ZNF658: variants seen among roughly 807,000 people sequenced by gnomAD.
The protein encoded by ZNF658 is zinc finger protein 658.
A neutral mutation model predicts 78.0 loss-of-function variants in ZNF658; 46 were observed. That is an observed-to-expected ratio of 0.59 (90% CI 0.47 to 0.75). ZNF658 has a LOEUF of 0.75. ZNF658 is among the 30% of genes least tolerant of loss of function. ZNF658 has a pLI of 0.00. For synonymous variants in ZNF658, 279 were observed against 408.4 expected (o/e 0.68, Z 3.82); for missense variants, 785 against 1,189.3 (o/e 0.66, Z 5.00).
downstream of ZNF658, chr9:66,924,362 C>T: frequency 5.7e-6 from 2 of 351,978 alleles, no homozygotes; most frequent in South Asian, 2.2e-5. Flanking sequence ...GCATGTCTGA[C>T]CTCTACTACC....
intron 1 of ZNF658, 35 bp from the exon 2 acceptor site, chr9:66,903,483 C>G (rs1447612704): frequency 7.5e-7 from 1 of 1,330,698 alleles, no homozygotes; most frequent in Non-Finnish European, 1.1e-6. Flanking sequence ...CAGACCAGGT[C>G]TCTCATGACC....
At chr9:66,929,485 A>G (rs1396987214) in intron 6 of ZNF658, among the ~76,000 whole-genome samples, 2 of 149,620 alleles carry the variant, frequency 1.3e-5, no homozygotes, top group African/African-American at 4.9e-5. Context: ...TAAAATGTAT[A>G]GACAGCCTTG....
At chr9:66,901,576 G>C (rs1466920078) in intron 1 of ZNF658, among the ~76,000 whole-genome samples, 2 of 151,736 alleles carry the variant, frequency 1.3e-5, no homozygotes, top group African/African-American at 4.8e-5. Flanking sequence ...TGTTCCCGCT[G>C]TCTCCTCAAA....
chr9:66,919,195 A>C lies in ZNF658; in HGVS notation c.1629A>C (p.Glu543Asp). 1.8e-6 allele frequency: 1 copy of C among 562,830 alleles called. No individual in the cohort carries two copies. Among genetic ancestry groups the C allele is most frequent in the Non-Finnish European group, 2.9e-6 (1 of 350,594 alleles). 34.9% of individuals were successfully genotyped at this position (562,830 alleles called of 1,614,324 possible). Residue 543 changes from glutamate to aspartate, a missense_variant, in exon 5 of 5, where the codon GAA becomes GAC. Transcript: ENST00000621410. ...CACATCAGAGAATTCACACAGGTGA[A>C]AAACCCTATGAATGTGTTGAATGTG... is the stretch of plus-strand genomic sequence containing the variant. ...LRAHQRIHTG[E>D]KPYECVECEK...
intron 6 of ZNF658, among the ~76,000 whole-genome samples, chr9:66,929,068 C>A (rs74511276): frequency 0.22 from 34,089 of 151,910 alleles, 4,313 homozygotes; most frequent in Middle Eastern, 0.43. Flanking sequence ...GTGTGACAAT[C>A]ACAGCTGTGA....
intron 1 of ZNF658, among the ~76,000 whole-genome samples, chr9:66,902,366 C>T (rs145383620): frequency 0.021 from 2,625 of 124,504 alleles, 110 homozygotes; most frequent in African/African-American, 0.079. Flanking sequence ...TCCCCAGAGG[C>T]AGTTGTTGAC....
Position 66,920,949 on chromosome 9 carries a change from A to G in ZNF658, c.*203A>G. 1 of 659,980 alleles carries G rather than the reference A, an allele frequency of 1.5e-6. No homozygotes were observed. Among genetic ancestry groups the G allele is most frequent in the South Asian group, 2.0e-5 (1 of 51,228 alleles). The allele number at this position is 659,980 out of a possible 1,614,324, so 40.9% of individuals were successfully genotyped here. A position where few individuals can be genotyped will look rare whatever the true frequency, so the allele number is the denominator to read the frequency against. The stretch of plus-strand genomic sequence containing the variant: ...CATTTACCCTTGGCCCTTAAAAAAA[A>G]AAAAGAAAAACCCTCACAGTCTTCC... On this transcript the variant is annotated 3_prime_UTR_variant, in exon 5 of 5. Coordinates refer to ENST00000621410, the MANE Select transcript of ZNF658 (RefSeq NM_033160.7).
In ZNF658 at chr9:66,903,498, TG is replaced by T. The variant is rs531467609; in HGVS notation, c.-44-19del. Reference sequence around the variant, plus strand: ...CAGACCAGGTCTCTCATGACCCCACTGCTCTTTCCTCCTCCCCAGCTGAACC... The same window carrying T: ...CAGACCAGGTCTCTCATGACCCCACTCTCTTTCCTCCTCCCCAGCTGAACC... On this transcript the variant is annotated intron_variant, in intron 1 of 4. Coordinates refer to ENST00000621410, the MANE Select transcript of ZNF658 (RefSeq NM_033160.7). The T allele has an allele frequency of 1.5e-3, 2,244 of 1,514,556 alleles. 6 individuals are homozygous for T. In the African/African-American group the frequency reaches 0.026, roughly 17 times the overall value. The allele number at this position is 1,514,556 out of a possible 1,614,324, so 93.8% of individuals were successfully genotyped here.
rs748409955 is a variant in ZNF658, at chr9:66,908,245, T to C, written c.23T>C (p.Val8Ala). Residue 8 changes from valine to alanine, a missense_variant, in exon 3 of 5, where the codon GTG becomes GCG. This residue lies in a region of ZNF658 where 79 missense variants were observed against 96.5 expected (regional missense o/e 0.82). Coordinates refer to ENST00000621410, the MANE Select transcript of ZNF658 (RefSeq NM_033160.7). ...TGATAAATGTTGTTACAGGCATCAG[T>C]GTCATTCCAGGACGTGACTGTGGAA... is the stretch of plus-strand genomic sequence containing the variant. Reference protein sequence around the residue: MNMSQASVSFQDVTVEFT... With the variant: MNMSQASASFQDVTVEFT... 6.2e-7 allele frequency: 1 copy of C among 1,613,984 alleles called. No individual in the cohort carries two copies. Among genetic ancestry groups the C allele is most frequent in the Non-Finnish European group, 8.5e-7 (1 of 1,179,956 alleles).
At chr9:66,908,190 C>A (rs368127171) in intron 2 of ZNF658, 48 bp from the exon 3 acceptor site, 24 of 1,612,796 alleles carry the variant, frequency 1.5e-5, no homozygotes, top group East Asian at 4.5e-5. Flanking sequence ...CAATTCTGAA[C>A]CCTTGAACAA....
intron 6 of ZNF658, among the ~76,000 whole-genome samples, chr9:66,931,325 CACAG>C (rs1203052570): frequency 6.6e-6 from 1 of 150,586 alleles, no homozygotes; most frequent in Non-Finnish European, 1.5e-5. Flanking sequence ...TGTATACACA[CACAG>C]ACATACACAC....
intron 4 of ZNF658, 68 bp from the exon 5 acceptor site, chr9:66,917,737 A>G (rs1822369181): frequency 6.8e-6 from 10 of 1,462,338 alleles, no homozygotes; most frequent in Non-Finnish European, 9.1e-6. Context: ...AAATCAAAAT[A>G]TGAGTATAAG....
In ZNF658 at chr9:66,919,654, C is replaced by G. The variant is rs970409335; in HGVS notation, c.2088C>G (p.Ala696=). 3 of 1,611,082 alleles carry G rather than the reference C, an allele frequency of 1.9e-6. No individual in the cohort carries two copies. The highest frequency in any genetic ancestry group is 2.0e-4 in the Middle Eastern group (1 of 5,018). The change falls in exon 5 of 5, where the codon GCC becomes GCG. Residue 696 remains alanine, a synonymous_variant. Transcript: ENST00000621410. ...GTAGTGACTGTGAGAAAACTTTTGC[C>G]CATAATTCAGCCCTCAAAATACATC... ...YECSDCEKTF[A]HNSALKIHQR...
chr9:66,916,184 G>A (rs1368142316), intron 4 of ZNF658, among the ~76,000 whole-genome samples: 2 of 152,092 alleles, frequency 1.3e-5, no homozygotes. Context: ...CACCGCGTCT[G>A]GCCAAAAAAA....
At chr9:66,909,967 C>G (rs1490050889) in intron 4 of ZNF658, among the ~76,000 whole-genome samples, 1 of 152,140 alleles carries the variant, frequency 6.6e-6, no homozygotes, top group Non-Finnish European at 1.5e-5. Flanking sequence ...CACTTTCTTG[C>G]TGTGTGTTCA....
Position 66,920,374 on chromosome 9 carries a change from A to G in ZNF658, c.2808A>G (p.Lys936=), listed in dbSNP as rs1822488062. 5 of 1,612,886 alleles carry G rather than the reference A, an allele frequency of 3.1e-6. No homozygotes were observed. The highest frequency in any genetic ancestry group is 1.7e-5 in the Admixed American group (1 of 59,840). ...ATCAGAGAGTTCATACGGGGGAGAA[A>G]CCCTACGAATGTAATGTATGTGGGA... ...SAHQRVHTGE[K]PYECNVCGKP... The change falls in exon 5 of 5, where the codon AAA becomes AAG. Residue 936 remains lysine (K), a synonymous_variant. Coordinates refer to ENST00000621410, the MANE Select transcript of ZNF658 (RefSeq NM_033160.7).
At chr9:66,912,990 G>T (rs1478959898) in intron 4 of ZNF658, among the ~76,000 whole-genome samples, 1 of 151,714 alleles carries the variant, frequency 6.6e-6, no homozygotes, top group East Asian at 1.9e-4. Flanking sequence ...GGAGGTTATG[G>T]TGAGCTGAGA....
rs143770569 is a variant in ZNF658 at position 66,909,757 on chromosome 9, C to A, written c.238+1023C>A. On this transcript the variant is annotated intron_variant, in intron 4 of 4. Coordinates refer to ENST00000621410, the MANE Select transcript of ZNF658 (RefSeq NM_033160.7). ...GTTTGACTTTTTGATTCTAGCCACC[C>A]CAGTGGATGTGAAGTGATATCTCAC... is the stretch of plus-strand genomic sequence containing the variant. 1.8e-3 allele frequency among the ~76,000 whole-genome samples: 274 copies of A among 152,276 alleles called. 3 individuals carry two copies. The highest frequency in any genetic ancestry group is 3.0e-3 in the Admixed American group (46 of 15,290).
At position 66,908,191 on chromosome 9, in the gene ZNF658, C is replaced by T. The variant is rs1415088600; in HGVS notation, c.16-47C>T. On this transcript the variant is annotated intron_variant, in intron 2 of 4. Coordinates refer to ENST00000621410, the MANE Select transcript of ZNF658 (RefSeq NM_033160.7). ...TTTTCTGTGTCACCCAATTCTGAAC[C>T]CTTGAACAAACCATTGTTATATTTG... is the stretch of plus-strand genomic sequence containing the variant. 9 of 1,612,924 alleles carry T rather than the reference C, an allele frequency of 5.6e-6. No homozygotes were observed. In the South Asian group the frequency reaches 6.6e-5, roughly 12 times the overall value.
Sources: allele counts gnomAD v4.1 joint callset (sites outside exome capture counted in the v4.1 genomes callset), GRCh38; gene constraint gnomAD v4.1.1; regional missense constraint gnomAD v4.1.1; transcripts MANE v1.5; gene names NCBI Gene and HGNC (gene_info 2026-07-23, HGNC 2026-07-21).